Variants in TMEM44 observed in about 807,000 individuals in gnomAD.
TMEM44 encodes transmembrane protein 44.
TMEM44 carries 43 observed loss-of-function variants against 47.8 expected under a neutral mutation model. The observed-to-expected ratio is 0.90, with a 90% CI of 0.70 to 1.16. The LOEUF (loss-of-function observed/expected upper bound fraction) is 1.16. Ranked by LOEUF, TMEM44 falls within the 50% of genes most tolerant of loss-of-function variation. The pLI, the probability that TMEM44 is intolerant of heterozygous loss-of-function variation, is 0.00. For missense variants in TMEM44, 568 were observed against 555.2 expected, an observed-to-expected ratio of 1.02 and a Z score of -0.23; for synonymous variants, 277 against 238.8, an observed-to-expected ratio of 1.16 and a Z score of -1.48.
intron 1 of TMEM44, 57 bp from the exon 2 acceptor site, chr3:194,628,566 A>G (rs1472647228): frequency 1.3e-6 from 2 of 1,531,642 alleles, no homozygotes; most frequent in Non-Finnish European, 1.8e-6. Flanking sequence ...ACCCAAACGC[A>G]TGTATCTAAA....
Position 194,610,902 on chromosome 3 carries a change from C to T in TMEM44, c.1017+14G>A, listed in dbSNP as rs73890173. On this transcript the variant is annotated intron_variant, in intron 8 of 9. Transcript: ENST00000347147. ...ATCCTCTCAGACACCTGGCCATGAC[C>T]GATGGCCACTCACCTGCTGCACAGG... The T allele has an allele frequency of 1.6e-3, 2,627 of 1,607,952 alleles. 24 individuals are homozygous for T. In the African/African-American group the frequency reaches 0.027, roughly 16 times the overall value.
At chr3:194,624,217 T>C (rs1238801677) in intron 3 of TMEM44, among the ~76,000 whole-genome samples, 1 of 152,178 alleles carries the variant, frequency 6.6e-6, no homozygotes, top group Admixed American at 6.5e-5. Flanking sequence ...CTTTTTGAGA[T>C]GAGGTCTCAT....
At chr3:194,599,586 C>CTTTTCT (rs770911632) in intron 9 of TMEM44, among the ~76,000 whole-genome samples, 6,699 of 128,926 alleles carry the variant, frequency 0.052, 613 homozygotes, top group African/African-American at 0.19. Context: ...TTTTTCTTTT[C>CTTTTCT]TTTTTTTTTT....
At chr3:194,613,264 G>A (rs1000516375) in intron 7 of TMEM44, among the ~76,000 whole-genome samples, 7 of 151,916 alleles carry the variant, frequency 4.6e-5, no homozygotes, top group African/African-American at 1.5e-4. Context: ...TGCAACCTCC[G>A]CCTCCTGGGT....
chr3:194,614,570 A>G (rs1715681318), intron 7 of TMEM44, among the ~76,000 whole-genome samples: 1 of 151,660 alleles, frequency 6.6e-6, no homozygotes, highest in Non-Finnish European at 1.5e-5. Flanking sequence ...TACCCGGCCA[A>G]TTTTTTTTGT....
At chr3:194,630,101 T>C in intron 1 of TMEM44, among the ~76,000 whole-genome samples, 1 of 112,276 alleles carries the variant, frequency 8.9e-6, no homozygotes, top group Non-Finnish European at 1.8e-5. Context: ...GGGCTGGCTG[T>C]TTCCATCGGC....
chr3:194,594,725 A>C (rs958425219), intron 9 of TMEM44, among the ~76,000 whole-genome samples: 6 of 152,316 alleles, frequency 3.9e-5, no homozygotes, highest in African/African-American at 1.4e-4. Flanking sequence ...AGGAGGGTTG[A>C]AAAAGTTAAC....
At chr3:194,626,850 AT>A (rs1177082454) in intron 2 of TMEM44, among the ~76,000 whole-genome samples, 2 of 141,000 alleles carry the variant, frequency 1.4e-5, no homozygotes, top group Non-Finnish European at 3.1e-5. Flanking sequence ...CGCCCGGCTA[AT>A]TTTTTTTTGT....
intron 9 of TMEM44, among the ~76,000 whole-genome samples, chr3:194,599,262 G>C (rs1233185650): frequency 1.3e-5 from 2 of 152,142 alleles, no homozygotes; most frequent in African/African-American, 4.8e-5. Context: ...TATGCGGTGG[G>C]CTGGGGCCAG....
In TMEM44 at chr3:194,594,895, G is replaced by A. The variant is rs117892383; in HGVS notation, c.1177-6256C>T. Among the ~76,000 whole-genome samples, 17 of 152,128 alleles carry A rather than the reference G, an allele frequency of 1.1e-4. No homozygotes were observed. The East Asian group carries it at 1.5e-3, about 14-fold the overall frequency. ...AATTTAGGAAGAGCGCCCTCTAGTG[G>A]GAATAGTCAGTATTTTTAAAGTTAC... On this transcript the variant is annotated intron_variant, in intron 9 of 9. Transcript: ENST00000347147.
chr3:194,598,239 C>T (rs1713652850), intron 9 of TMEM44, among the ~76,000 whole-genome samples: 1 of 152,184 alleles, frequency 6.6e-6, no homozygotes, highest in Non-Finnish European at 1.5e-5. Context: ...CCCACATGCC[C>T]ACGGTCCTGT....
intron 9 of TMEM44, chr3:194,593,156 C>CCT: frequency 6.9e-7 from 1 of 1,440,212 alleles, no homozygotes; most frequent in Non-Finnish European, 9.8e-7. Context: ...AGGACCAGCT[C>CCT]CTGTCTGCTC....
Position 194,628,476 on chromosome 3 carries a change from T to C in TMEM44, c.171A>G (p.Arg57=). The change falls in exon 2 of 10, where the codon AGA becomes AGG. Residue 57 remains arginine, a synonymous_variant. Transcript: ENST00000347147. ...LLYLRCAQKP[R]QDQSALCAAC... ...CAGCACACAGTGCCGACTGGTCCTG[T>C]CTGGGTTTCTGTGCACATCTCAGAT... The C allele has an allele frequency of 1.2e-6, 2 of 1,613,742 alleles. No homozygotes were observed. The highest frequency in any genetic ancestry group is 2.2e-5 in the South Asian group (2 of 90,990).
chr3:194,625,074 G>T (rs1560197200), intron 3 of TMEM44, among the ~76,000 whole-genome samples: 1 of 152,094 alleles, frequency 6.6e-6, no homozygotes, highest in Admixed American at 6.6e-5. Context: ...TTCTCAAGAA[G>T]CCGCAACCAC....
chr3:194,615,449 T>G, intron 7 of TMEM44, 120 bp downstream of exon 7: 1 of 1,399,244 alleles, frequency 7.1e-7, no homozygotes, highest in South Asian at 1.4e-5. Context: ...CTGAGTCGCC[T>G]GCAGAGAACA....
rs115832409 is a variant in TMEM44, at chr3:194,592,455, C to T, written c.1177-3816G>A. 7.3e-3 allele frequency among the ~76,000 whole-genome samples: 1,106 copies of T among 152,236 alleles called. 14 individuals are homozygous for T. Among genetic ancestry groups the T allele is most frequent in the African/African-American group, 0.023 (947 of 41,542 alleles). ...ATTGCAACAGCTACTGCAGCCATGCCGGCCACTACTACTGTTGTTCCAAAC... is the reference window on the plus strand; with the variant it reads ...ATTGCAACAGCTACTGCAGCCATGCTGGCCACTACTACTGTTGTTCCAAAC... On this transcript the variant is annotated intron_variant, in intron 9 of 9. Transcript: ENST00000347147.
intron 5 of TMEM44, among the ~76,000 whole-genome samples, chr3:194,619,940 C>T (rs548407295): frequency 2.0e-5 from 3 of 152,226 alleles, no homozygotes; most frequent in Middle Eastern, 3.4e-3. Context: ...GTAATGCTGG[C>T]GGCTCTCCAG....
At chr3:194,618,172 C>T (rs758636148) in intron 5 of TMEM44, among the ~76,000 whole-genome samples, 3 of 152,182 alleles carry the variant, frequency 2.0e-5, no homozygotes, top group Admixed American at 1.3e-4. Flanking sequence ...CCTGGGACCC[C>T]GATTCTGACC....
chr3:194,592,925 T>C, intron 9 of TMEM44: 2 of 1,321,330 alleles, frequency 1.5e-6, no homozygotes, highest in Non-Finnish European at 1.1e-6. Flanking sequence ...ACATTCTTTT[T>C]TTACTGAAGG....
Sources: gnomAD v4.1 joint callset for allele counts (sites outside exome capture counted in the v4.1 genomes callset) on GRCh38, gnomAD v4.1.1 for gene constraint, MANE v1.5 for transcripts, NCBI Gene and HGNC (gene_info 2026-07-23, HGNC 2026-07-21) for gene names.